The following MTF1 variants were observed in gnomAD, a reference collection of about 807,000 sequenced individuals.
The protein encoded by MTF1 is metal regulatory transcription factor 1.
In MTF1, 22 loss-of-function variants were observed where a neutral mutation model predicts 70.4. The ratio of observed to expected loss-of-function variants is 0.31; its 90% CI spans 0.22 to 0.45. MTF1 has a LOEUF of 0.45. Among genes scored for constraint, MTF1 ranks in the 20% least tolerant of loss-of-function variants. The pLI is 1.00. For missense variants in MTF1, 649 were observed against 922.0 expected, an observed-to-expected ratio of 0.70 and a Z score of 3.83; for synonymous variants, 333 against 352.8, an observed-to-expected ratio of 0.94 and a Z score of 0.63.
intron 7 of MTF1, among the ~76,000 whole-genome samples, chr1:37,825,988 G>C (rs2148404837): frequency 6.6e-6 from 1 of 152,272 alleles, no homozygotes; most frequent in South Asian, 2.1e-4. Context: ...GTTGTGCAGG[G>C]GGTTATGGGT....
chr1:37,844,781 T>C (rs1244068271), intron 2 of MTF1, among the ~76,000 whole-genome samples: 1 of 152,208 alleles, frequency 6.6e-6, no homozygotes, highest in Non-Finnish European at 1.5e-5. Context: ...TTCATGTTTT[T>C]TCATTTGCAC....
At chr1:37,834,663 G>A (rs1322206913) in intron 6 of MTF1, 2 of 458,234 alleles carry the variant, frequency 4.4e-6, no homozygotes, top group Non-Finnish European at 8.8e-6. Context: ...CAGGCAAAAA[G>A]ACAACAGTAG....
chr1:37,846,453 A>G (rs370456960), intron 2 of MTF1, among the ~76,000 whole-genome samples: 2 of 151,938 alleles, frequency 1.3e-5, no homozygotes, highest in Admixed American at 1.3e-4. Context: ...CATAACTTTA[A>G]TCTTCCTGAG....
Position 37,835,294 on chromosome 1 carries a change from GGTAA to G in MTF1, c.854-83_854-80del, listed in dbSNP as rs112809682. On this transcript the variant is annotated intron_variant, in intron 5 of 10. Transcript: ENST00000373036. Reference sequence around the variant, plus strand: ...AAGAAATCTACCTTTCCCTAATAGAGGTAAGTAAGTATTTTTAAGAGAGTTTGGG... The same window carrying G: ...AAGAAATCTACCTTTCCCTAATAGAGGTAAGTATTTTTAAGAGAGTTTGGG... The G allele has an allele frequency of 3.7e-5, 46 of 1,227,800 alleles. 4 individuals are homozygous for G. The highest frequency in any genetic ancestry group is 3.5e-4 in the African/African-American group (23 of 66,400). The allele number at this position is 1,227,800 out of a possible 1,614,324, so 76.1% of individuals were successfully genotyped here.
chr1:37,850,268 T>C (rs1641396238), intron 2 of MTF1, among the ~76,000 whole-genome samples: 2 of 150,402 alleles, frequency 1.3e-5, no homozygotes, highest in Non-Finnish European at 3.0e-5. Context: ...AAAAAAGCTT[T>C]TGTTTTTAGG....
chr1:37,847,976 GAAT>G (rs1641358916), intron 2 of MTF1, among the ~76,000 whole-genome samples: 1 of 152,096 alleles, frequency 6.6e-6, no homozygotes, highest in Admixed American at 6.5e-5. Context: ...AAAATTAAAT[GAAT>G]AAAACACAGT....
chr1:37,829,586 TC>T (rs1446524584), intron 7 of MTF1, among the ~76,000 whole-genome samples: 1 of 151,880 alleles, frequency 6.6e-6, no homozygotes, highest in African/African-American at 2.4e-5. Context: ...ATCGAGACCA[TC>T]CTGGCTAGCA....
intron 7 of MTF1, among the ~76,000 whole-genome samples, chr1:37,827,641 C>T (rs942029526): frequency 2.0e-5 from 3 of 151,792 alleles, no homozygotes; most frequent in African/African-American, 4.8e-5. Flanking sequence ...GGATTACAGG[C>T]GTGATCCACC....
chr1:37,854,207 T>C lies in MTF1; in HGVS notation c.408+3044A>G, dbSNP rs144113616. Among the ~76,000 whole-genome samples the C allele has an allele frequency of 3.5e-3, 528 of 152,260 alleles. 2 individuals are homozygous for C. The highest frequency in any genetic ancestry group is 9.0e-3 in the African/African-American group (374 of 41,560). On this transcript the variant is annotated intron_variant, in intron 2 of 10. Coordinates refer to ENST00000373036, the MANE Select transcript of MTF1 (RefSeq NM_005955.3). ...TATTTTTAATAGACACAGGGTTTCA[T>C]TGTGTTGGCCAGGCTAGTCTCGAAC...
At chr1:37,849,091 G>A (rs1641375790) in intron 2 of MTF1, among the ~76,000 whole-genome samples, 1 of 152,194 alleles carries the variant, frequency 6.6e-6, no homozygotes, top group Non-Finnish European at 1.5e-5. Flanking sequence ...CATGCAATTA[G>A]TTCATGGTGT....
At chr1:37,824,481 TGAGGTAAG>T (rs1640970683) in intron 7 of MTF1, among the ~76,000 whole-genome samples, 1 of 152,214 alleles carries the variant, frequency 6.6e-6, no homozygotes, top group African/African-American at 2.4e-5. Context: ...GCAGATCACC[TGAGGTAAG>T]GAGTTTGAGA....
At chr1:37,854,951 T>G (rs2148423728) in intron 2 of MTF1, among the ~76,000 whole-genome samples, 1 of 151,964 alleles carries the variant, frequency 6.6e-6, no homozygotes, top group South Asian at 2.1e-4. Context: ...CCCAGCTACT[T>G]GGGAGGCTGA....
At chr1:37,821,693 G>A (rs1411633910) in intron 9 of MTF1, among the ~76,000 whole-genome samples, 1 of 152,186 alleles carries the variant, frequency 6.6e-6, no homozygotes, top group Admixed American at 6.5e-5. Context: ...TGGGCTGTGG[G>A]AGCACAAGTT....
At chr1:37,839,726 T>C (rs1641227300) in intron 3 of MTF1, among the ~76,000 whole-genome samples, 194 bp downstream of exon 3, 1 of 152,148 alleles carries the variant, frequency 6.6e-6, no homozygotes, top group Non-Finnish European at 1.5e-5. Flanking sequence ...AAGTAACAGG[T>C]TTCTCTAATG....
intron 9 of MTF1, among the ~76,000 whole-genome samples, chr1:37,821,700 A>G (rs1228439683): frequency 6.6e-6 from 1 of 152,214 alleles, no homozygotes; most frequent in African/African-American, 2.4e-5. Flanking sequence ...TGGGAGCACA[A>G]GTTAGCTCTC....
At chr1:37,857,753 G>A (rs937373490) in intron 1 of MTF1, 44 bp from the exon 2 acceptor site, 40 of 1,230,952 alleles carry the variant, frequency 3.2e-5, no homozygotes, top group East Asian at 2.6e-4. Flanking sequence ...CCACAAGACC[G>A]ACGGACCTCC....
Position 37,814,862 on chromosome 1 carries a change from C to T in MTF1, c.*274G>A, listed in dbSNP as rs1640790483. ...CGAGTAACCTTAGTTTCCAAGTTCA[C>T]ATGACAACAAGCAAAAGTGACATAC... is the stretch of plus-strand genomic sequence containing the variant. On this transcript the variant is annotated 3_prime_UTR_variant, in exon 11 of 11. Transcript: ENST00000373036. The T allele has an allele frequency of 2.6e-6, 1 of 385,886 alleles. No homozygotes were observed. Among genetic ancestry groups the T allele is most frequent in the Non-Finnish European group, 4.7e-6 (1 of 213,322 alleles). The allele number at this position is 385,886 out of a possible 1,614,324, so 23.9% of individuals were successfully genotyped here.
intron 7 of MTF1, among the ~76,000 whole-genome samples, chr1:37,825,760 T>C (rs889604438): frequency 5.3e-5 from 8 of 152,192 alleles, no homozygotes; most frequent in Non-Finnish European, 8.8e-5. Context: ...ATGATCTACT[T>C]CCCCTTAATA....
Position 37,857,590 on chromosome 1 carries a change from A to G in MTF1, c.69T>C (p.Asp23=). The change falls in exon 2 of 11, where the codon GAT becomes GAC. Residue 23 remains aspartate (D), a synonymous_variant. Transcript: ENST00000373036. ...FEAEEDELTP[D]DKMLRFVDKN... The stretch of plus-strand genomic sequence containing the variant: ...TATCCACAAACCTGAGCATTTTATC[A>G]TCGGGGGTCAGCTCATCTTCCTCTG... The G allele has an allele frequency of 6.2e-7, 1 of 1,614,212 alleles. No homozygotes were observed. The highest frequency in any genetic ancestry group is 1.1e-5 in the South Asian group (1 of 91,088).
Sources: allele counts gnomAD v4.1 joint callset (sites outside exome capture counted in the v4.1 genomes callset), GRCh38; gene constraint gnomAD v4.1.1; transcripts MANE v1.5; gene names NCBI Gene and HGNC (gene_info 2026-07-23, HGNC 2026-07-21).